ATXN7: variants seen among roughly 807,000 people sequenced by gnomAD.
ATXN7 encodes ataxin 7.
In ATXN7, 12 loss-of-function variants were observed where a neutral mutation model predicts 70.5. The ratio of observed to expected loss-of-function variants is 0.17; its 90% confidence interval spans 0.11 to 0.28. ATXN7 has a LOEUF of 0.28. ATXN7 is among the 10% of genes least tolerant of loss of function. The probability of loss-of-function intolerance (pLI) is 1.00; values close to 1 mark genes in which losing one functional copy is unlikely to be tolerated. For missense variants in ATXN7, 1,256 were observed against 1,131.7 expected, an observed-to-expected ratio of 1.11 and a Z score of -1.58; for synonymous variants, 498 against 448.7, an observed-to-expected ratio of 1.11 and a Z score of -1.39.
At chr3:63,886,317 G>A (rs1703085566) in intron 1 of ATXN7, among the ~76,000 whole-genome samples, 1 of 152,128 alleles carries the variant, frequency 6.6e-6, no homozygotes, top group South Asian at 2.1e-4. Flanking sequence ...GGATGAATGA[G>A]TTCTAGGAAT....
chr3:63,990,902 G>A (rs889036084), intron 11 of ATXN7, 43 bp downstream of exon 11: 7 of 1,610,744 alleles, frequency 4.3e-6, no homozygotes, highest in Middle Eastern at 1.6e-4. Context: ...ACTTTACACA[G>A]TGCTGCATTG....
upstream of ATXN7, chr3:63,863,342 C>T (rs1702278381): frequency 1.5e-6 from 1 of 686,868 alleles, no homozygotes; most frequent in African/African-American, 1.9e-5. Flanking sequence ...AGGCCCCCAG[C>T]CCTAAGCCCG....
intron 8 of ATXN7, among the ~76,000 whole-genome samples, chr3:63,983,499 C>A (rs2075522708): frequency 6.6e-6 from 1 of 151,800 alleles, no homozygotes. Flanking sequence ...AAAAAAAATA[C>A]TGCAAGCCAG....
In ATXN7 at chr3:63,877,183, G is replaced by A. The variant is rs923828798; in HGVS notation, c.-111+13025G>A. ...AGAATTACATAAATTTGGGTCTTAA[G>A]GAAAAACTGAAATTCCTGAATGCTT... On this transcript the variant is annotated intron_variant, in intron 1 of 12. Transcript: ENST00000674280. Among the ~76,000 whole-genome samples, 10 of 152,206 alleles carry A rather than the reference G, an allele frequency of 6.6e-5. No homozygotes were observed. The East Asian group carries it at 1.5e-3, about 24-fold the overall frequency.
intron 4 of ATXN7, among the ~76,000 whole-genome samples, chr3:63,946,025 C>G (rs2074852800): frequency 6.6e-6 from 1 of 152,146 alleles, no homozygotes; most frequent in African/African-American, 2.4e-5. Context: ...TGCTTTTATC[C>G]TAAGAGCAAC....
intron 1 of ATXN7, among the ~76,000 whole-genome samples, chr3:63,869,027 C>G (rs1702518857): frequency 6.6e-6 from 1 of 152,124 alleles, no homozygotes; most frequent in South Asian, 2.1e-4. Flanking sequence ...CATTATGAGT[C>G]AAAAGAAAGT....
intron 1 of ATXN7, among the ~76,000 whole-genome samples, chr3:63,872,866 GTA>G (rs1403076371): frequency 6.6e-6 from 1 of 152,126 alleles, no homozygotes; most frequent in Non-Finnish European, 1.5e-5. Flanking sequence ...CATTTTAAAG[GTA>G]TGAAAAGTGA....
rs1269021289 is a variant in ATXN7, at chr3:64,002,063, ATCTT to A, written c.*2598_*2601del. The A allele has an allele frequency of 6.6e-6, 1 of 151,778 alleles. No homozygotes were observed. The highest frequency in any genetic ancestry group is 2.4e-5 in the African/African-American group (1 of 41,254). The allele number at this position is 151,778 out of a possible 1,614,324, so 9.4% of individuals were successfully genotyped here. On this transcript the variant is annotated 3_prime_UTR_variant, in exon 13 of 13. Coordinates refer to ENST00000674280, the MANE Select transcript of ATXN7 (RefSeq NM_001377405.1). Reference sequence around the variant, plus strand: ...AGAATTATACAAAACCTACTTTTGTATCTTTATTTTGGAATTTCTTGTTCTATTA... The same window carrying A: ...AGAATTATACAAAACCTACTTTTGTATATTTTGGAATTTCTTGTTCTATTA...
intron 4 of ATXN7, among the ~76,000 whole-genome samples, chr3:63,946,608 A>C (rs1361735501): frequency 6.7e-6 from 1 of 149,674 alleles, no homozygotes; most frequent in Admixed American, 6.8e-5. Flanking sequence ...GTGCCACTGC[A>C]CTCCAGCCTG....
intron 4 of ATXN7, among the ~76,000 whole-genome samples, chr3:63,923,691 G>A (rs1185766059): frequency 2.0e-5 from 3 of 152,126 alleles, no homozygotes; most frequent in Non-Finnish European, 4.4e-5. Context: ...CTACTCAGGA[G>A]GCTGAGGTGG....
chr3:63,884,250 C>T (rs1473503049), intron 1 of ATXN7, among the ~76,000 whole-genome samples: 1 of 150,314 alleles, frequency 6.7e-6, no homozygotes, highest in Non-Finnish European at 1.5e-5. Flanking sequence ...CATACTCTCA[C>T]ACACACACAC....
rs556037098 is a variant in ATXN7 at position 63,885,637 on chromosome 3, C to T, written c.-110-12762C>T. ...TCAGTATGTCACAGAGGTATCTGCA[C>T]TCCCATGTTCATTGCAGCATTATTC... is the stretch of plus-strand genomic sequence containing the variant. On this transcript the variant is annotated intron_variant, in intron 1 of 12. Coordinates refer to ENST00000674280, the MANE Select transcript of ATXN7 (RefSeq NM_001377405.1). 3.3e-5 allele frequency among the ~76,000 whole-genome samples: 5 copies of T among 152,344 alleles called. No homozygotes were observed. The South Asian group carries it at 6.2e-4, about 19-fold the overall frequency.
intron 1 of ATXN7, among the ~76,000 whole-genome samples, chr3:63,881,482 G>A (rs958616992): frequency 5.4e-5 from 8 of 148,060 alleles, no homozygotes; most frequent in African/African-American, 1.5e-4. Context: ...TGTGGTTGGA[G>A]CATTTTTTTT....
chr3:63,866,249 T>C (rs1702423472), intron 1 of ATXN7, among the ~76,000 whole-genome samples: 1 of 152,214 alleles, frequency 6.6e-6, no homozygotes, highest in Non-Finnish European at 1.5e-5. Context: ...TTCCTGAAAG[T>C]TATTTTATTT....
chr3:63,990,474 G>A (rs2075652112), intron 10 of ATXN7, 100 bp downstream of exon 10: 1 of 1,433,066 alleles, frequency 7.0e-7, no homozygotes, highest in Non-Finnish European at 9.6e-7. Flanking sequence ...CGTATGTGTG[G>A]GACGCGGTCA....
chr3:63,869,614 G>A (rs1233290868), intron 1 of ATXN7, among the ~76,000 whole-genome samples: 2 of 152,054 alleles, frequency 1.3e-5, no homozygotes, highest in Non-Finnish European at 2.9e-5. Context: ...TAGTAGAGAT[G>A]GGGTTTCGCC....
intron 5 of ATXN7, among the ~76,000 whole-genome samples, chr3:63,979,005 A>G (rs1383831016): frequency 6.6e-6 from 1 of 152,324 alleles, no homozygotes; most frequent in East Asian, 1.9e-4. Context: ...GTAATTTTAA[A>G]TTAATTAATT....
chr3:63,998,083 C>G, intron 12 of ATXN7: 1 of 985,136 alleles, frequency 1.0e-6, no homozygotes, highest in Non-Finnish European at 1.2e-6. Context: ...ATGATCCCCA[C>G]GGAAGGGGCA....
chr3:63,889,699 G>A (rs1183512277), intron 1 of ATXN7, among the ~76,000 whole-genome samples: 1 of 152,188 alleles, frequency 6.6e-6, no homozygotes, highest in Non-Finnish European at 1.5e-5. Context: ...TGAGCAAATA[G>A]AAAGTGAATC....
Sources: gnomAD v4.1 joint callset for allele counts (sites outside exome capture counted in the v4.1 genomes callset) on GRCh38, gnomAD v4.1.1 for gene constraint, MANE v1.5 for transcripts, NCBI Gene and HGNC (gene_info 2026-07-23, HGNC 2026-07-21) for gene names.